CR1: variants seen among roughly 807,000 people sequenced by gnomAD.
CR1 encodes the protein complement C3b/C4b receptor 1 (Knops blood group).
Under a neutral mutation model 187.3 loss-of-function variants are expected in CR1, and 116 were observed. The observed-to-expected ratio is 0.62, with a 90% confidence interval of 0.53 to 0.72. The LOEUF is 0.72. Among genes scored for constraint, CR1 ranks in the 30% least tolerant of loss-of-function variants. The pLI, the probability that CR1 is intolerant of heterozygous loss-of-function variation, is 0.00. For missense variants in CR1, 1,731 were observed against 2,110.7 expected, an observed-to-expected ratio of 0.82 and a Z score of 3.52; for synonymous variants, 576 against 747.1, an observed-to-expected ratio of 0.77 and a Z score of 3.73.
intron 37 of CR1, among the ~76,000 whole-genome samples, chr1:207,610,820 T>G (rs564937244): frequency 6.6e-6 from 1 of 152,160 alleles, no homozygotes; most frequent in East Asian, 1.9e-4. Context: ...TGTGGGTACA[T>G]AGTAGGTGTA....
rs534091932 is a variant in CR1, at chr1:207,505,921, G to A, written c.139G>A (p.Glu47Lys). The change falls in exon 2 of 47, where the codon GAA becomes AAA. Residue 47 changes from glutamate (E) to lysine (K), a missense_variant. This residue lies in a region of CR1 where 237 missense variants were observed against 240.4 expected (regional missense o/e 0.99). Transcript: ENST00000367049. ...ATCTCCAGGTCAATGCAATGCCCCA[G>A]AATGGCTTCCATTTGCCAGGCCTAC... ...PVAWGQCNAP[E>K]WLPFARPTNL... The A allele has an allele frequency of 1.9e-6, 3 of 1,613,826 alleles. No individual in the cohort carries two copies. Among genetic ancestry groups the A allele is most frequent in the South Asian group, 2.2e-5 (2 of 91,058 alleles).
intron 45 of CR1, among the ~76,000 whole-genome samples, chr1:207,623,631 C>T (rs1662388312): frequency 1.1e-5 from 1 of 94,420 alleles, no homozygotes; most frequent in Admixed American, 1.2e-4. Context: ...CACACACACA[C>T]ACACACAGCA....
intron 45 of CR1, among the ~76,000 whole-genome samples, chr1:207,624,388 G>T (rs1202597949): frequency 1.3e-5 from 2 of 152,140 alleles, no homozygotes; most frequent in African/African-American, 2.4e-5. Context: ...ATGTTATATG[G>T]TTGATGAGCA....
At chr1:207,622,923 T>A (rs1421642053) in intron 44 of CR1, 70 bp from the exon 45 acceptor site, 1 of 1,087,752 alleles carries the variant, frequency 9.2e-7, no homozygotes, top group African/African-American at 1.6e-5. Flanking sequence ...TGGGACTGGA[T>A]ACTAAGATAG....
intron 44 of CR1, 111 bp downstream of exon 44, chr1:207,622,107 A>C: frequency 1.3e-6 from 1 of 748,140 alleles, no homozygotes. Flanking sequence ...AGGTGTAAAG[A>C]GATCAAAATA....
chr1:207,499,961 T>C (rs1659215352), intron 1 of CR1, among the ~76,000 whole-genome samples: 1 of 152,002 alleles, frequency 6.6e-6, no homozygotes. Context: ...AATGGTAGAG[T>C]TGACAATCCC....
intron 3 of CR1, 182 bp downstream of exon 3, chr1:207,506,995 TC>T (rs2102337049): frequency 1.8e-6 from 1 of 544,656 alleles, no homozygotes; most frequent in East Asian, 3.2e-5. Flanking sequence ...CGGGGGAAAA[TC>T]ATCTGTATCC....
At chr1:207,502,127 A>C (rs1444853648) in intron 1 of CR1, among the ~76,000 whole-genome samples, 1 of 152,182 alleles carries the variant, frequency 6.6e-6, no homozygotes, top group Admixed American at 6.5e-5. Context: ...CTTATAATTG[A>C]GTGTTAAGCA....
intron 2 of CR1, 41 bp downstream of exon 2, chr1:207,506,124 A>G: frequency 6.3e-7 from 1 of 1,588,772 alleles, no homozygotes. Flanking sequence ...TTAGTCAAAC[A>G]TCTGTAAGAT....
In CR1 at chr1:207,496,188, A is replaced by T; in HGVS notation, c.-80A>T. The T allele has an allele frequency of 6.2e-7, 1 of 1,609,652 alleles. No individual in the cohort carries two copies. Among genetic ancestry groups the T allele is most frequent in the Non-Finnish European group, 8.5e-7 (1 of 1,178,564 alleles). On this transcript the variant is annotated 5_prime_UTR_variant, in exon 1 of 47. Coordinates refer to ENST00000367049, the MANE Select transcript of CR1 (RefSeq NM_000651.6). ...TGGGCGCGGAGCACAATGATTGGTCACTCCTATTTTCGCTGAGCTTTTCCT... is the reference window on the plus strand; with the variant it reads ...TGGGCGCGGAGCACAATGATTGGTCTCTCCTATTTTCGCTGAGCTTTTCCT...
Position 207,580,266 on chromosome 1 carries a change from C to A in CR1, c.4963C>A (p.His1655Asn). Residue 1655 changes from histidine (H) to asparagine (N), a missense_variant, in exon 30 of 47, where the codon CAT (histidine) becomes AAT (asparagine). Physicochemically the swap from His to Asn is moderately conservative, Grantham distance 68. Around this residue, in one of 5 missense-constraint regions of CR1, gnomAD observed 1,312 missense variants for 1,379.6 expected, o/e 0.95. Transcript: ENST00000367049. ...RVCQPPPEILHGEHTPSHQDN... is the reference protein window; with the variant it reads ...RVCQPPPEILNGEHTPSHQDN... ...GTGTCAGCCGCCTCCAGAAATCCTG[C>A]ATGGTGAGCATACCCCAAGCCATCA... 6.2e-7 allele frequency: 1 copy of A among 1,613,812 alleles called. No individual in the cohort carries two copies. The highest frequency in any genetic ancestry group is 8.5e-7 in the Non-Finnish European group (1 of 1,179,814).
intron 46 of CR1, 140 bp downstream of exon 46, chr1:207,630,761 CTTT>C (rs201854232): frequency 2.3e-6 from 1 of 444,130 alleles, no homozygotes; most frequent in East Asian, 4.1e-5. Context: ...TTGGAAACTT[CTTT>C]TTTTTTTATT....
chr1:207,567,848 T>C lies in CR1; in HGVS notation c.3977T>C (p.Val1326Ala), dbSNP rs149099494. Reference protein sequence around the residue: ...CEQIFCPSPPVIPNGRHTGKP... With the variant: ...CEQIFCPSPPAIPNGRHTGKP... The stretch of plus-strand genomic sequence containing the variant: ...GAAATCTTTTGTCCAAGTCCTCCAG[T>C]TATTCCTAATGGGAGACACACAGGA... The change falls in exon 25 of 47, where the codon GTT becomes GCT. Residue 1326 changes from valine to alanine, a missense_variant. Physicochemically the swap from Val to Ala is moderately conservative, Grantham distance 64 (BLOSUM62 0). This residue lies in a region of CR1 where 1,312 missense variants were observed against 1,379.6 expected (regional missense o/e 0.95). Transcript: ENST00000367049. 5,611 of 1,610,948 alleles carry C rather than the reference T, an allele frequency of 3.5e-3. 728 individuals carry two copies. In the African/African-American group the frequency reaches 0.067, roughly 19 times the overall value.
intron 46 of CR1, among the ~76,000 whole-genome samples, chr1:207,633,416 T>C (rs1395389580): frequency 6.6e-6 from 1 of 152,268 alleles, no homozygotes; most frequent in Admixed American, 6.5e-5. Flanking sequence ...CTTGAGATTA[T>C]ATTGATTGCA....
chr1:207,500,101 A>C (rs1267811902), intron 1 of CR1, among the ~76,000 whole-genome samples: 1 of 152,262 alleles, frequency 6.6e-6, no homozygotes, highest in African/African-American at 2.4e-5. Context: ...AGTATCATGA[A>C]GACTGTCGAA....
At chr1:207,626,003 G>C (rs1405112052) in intron 45 of CR1, among the ~76,000 whole-genome samples, 1 of 152,114 alleles carries the variant, frequency 6.6e-6, no homozygotes, top group Non-Finnish European at 1.5e-5. Context: ...CCTTTCATTA[G>C]GTTTCAGGTC....
At chr1:207,596,090 T>A (rs609435) in intron 35 of CR1, among the ~76,000 whole-genome samples, 10,504 of 147,622 alleles carry the variant, frequency 0.071, 1,251 homozygotes, top group African/African-American at 0.24. Flanking sequence ...TATATATATA[T>A]AATCAAATTT....
intron 33 of CR1, among the ~76,000 whole-genome samples, chr1:207,585,799 C>A (rs762579260): frequency 1.3e-4 from 20 of 152,030 alleles, no homozygotes; most frequent in East Asian, 1.9e-4. Flanking sequence ...ATGGAGGAAG[C>A]CTTCTCCAAA....
intron 35 of CR1, among the ~76,000 whole-genome samples, chr1:207,596,010 G>T (rs904833388): frequency 4.7e-5 from 7 of 149,064 alleles, no homozygotes; most frequent in African/African-American, 1.7e-4. Context: ...AAAATAAGGA[G>T]AAAATGGTAC....
Sources: allele counts gnomAD v4.1 joint callset (sites outside exome capture counted in the v4.1 genomes callset), GRCh38; gene constraint gnomAD v4.1.1; regional missense constraint gnomAD v4.1.1; transcripts MANE v1.5; gene names NCBI Gene and HGNC (gene_info 2026-07-23, HGNC 2026-07-21).